GNB4: variants seen among roughly 807,000 people sequenced by gnomAD.
GNB4 encodes guanine nucleotide-binding protein subunit beta-4.
GNB4 carries 28 observed loss-of-function variants against 45.2 expected under a neutral mutation model. The ratio of observed to expected loss-of-function variants is 0.62; its 90% confidence interval spans 0.46 to 0.85. The LOEUF (loss-of-function observed/expected upper bound fraction) is 0.85, where lower values mean the gene tolerates loss of function less well. GNB4 is among the 40% of genes least tolerant of loss of function. GNB4 has a pLI of 0.00. For missense variants in GNB4, 321 were observed against 425.4 expected, an observed-to-expected ratio of 0.75 and a Z score of 2.16; for synonymous variants, 132 against 143.7, an observed-to-expected ratio of 0.92 and a Z score of 0.58.
the GNB4 span, among the ~76,000 whole-genome samples, chr3:179,524,124 C>A: frequency 6.6e-6 from 1 of 152,212 alleles, no homozygotes; most frequent in African/African-American, 2.4e-5. Flanking sequence ...TTACCCTCCA[C>A]TATAAGAGTT....
At chr3:179,436,432 G>A (rs1471957389) in intron 1 of GNB4, among the ~76,000 whole-genome samples, 1 of 152,064 alleles carries the variant, frequency 6.6e-6, no homozygotes, top group East Asian at 1.9e-4. Flanking sequence ...AAATAAAAAT[G>A]TAAGTATAAA....
At chr3:179,518,128 C>A in the GNB4 span, among the ~76,000 whole-genome samples, 5 of 152,110 alleles carry the variant, frequency 3.3e-5, no homozygotes, top group African/African-American at 4.8e-5. Context: ...CTCCCTTAGC[C>A]TGTGTTCTCA....
the GNB4 span, among the ~76,000 whole-genome samples, chr3:179,516,803 TGAG>T: frequency 6.6e-6 from 1 of 152,004 alleles, no homozygotes; most frequent in Admixed American, 6.6e-5. Context: ...GAGTGACCGA[TGAG>T]AAGGAGAAAA....
At chr3:179,430,923 T>A (rs1436171788) in intron 1 of GNB4, among the ~76,000 whole-genome samples, 3 of 152,186 alleles carry the variant, frequency 2.0e-5, no homozygotes, top group East Asian at 3.8e-4. Context: ...AAGTATTAAT[T>A]TTTTTTGCTG....
intron 3 of GNB4, 39 bp downstream of exon 3, chr3:179,420,850 T>C: frequency 4.6e-6 from 6 of 1,304,904 alleles, no homozygotes; most frequent in Non-Finnish European, 4.4e-6. Context: ...AATTATTTTA[T>C]GAGTTACCAA....
At chr3:179,439,386 T>C (rs1039417762) in intron 1 of GNB4, among the ~76,000 whole-genome samples, 9 of 152,182 alleles carry the variant, frequency 5.9e-5, no homozygotes, top group African/African-American at 2.2e-4. Flanking sequence ...CCAGACTCAC[T>C]AAGCCTAAAG....
rs1266391326 is a variant in GNB4 at position 179,398,623 on chromosome 3, CA to C, written c.*2589del. ...TTTTTCAGCCTTAAAAACTAAGATC[CA>C]AACTATTCAACATCTCTACAAATTA... On this transcript the variant is annotated 3_prime_UTR_variant, in exon 10 of 10. Transcript: ENST00000232564. 6.6e-6 allele frequency: 1 copy of C among 151,834 alleles called. No homozygotes were observed. The highest frequency in any genetic ancestry group is 1.5e-5 in the Non-Finnish European group (1 of 67,984). 9.4% of individuals were successfully genotyped at this position (151,834 alleles called of 1,614,324 possible).
chr3:179,500,011 A>T, the GNB4 span, among the ~76,000 whole-genome samples: 1 of 152,068 alleles, frequency 6.6e-6, no homozygotes, highest in African/African-American at 2.4e-5. Flanking sequence ...TTGCAAAAAA[A>T]TTTTCTCCCA....
At chr3:179,476,884 C>T in the GNB4 span, among the ~76,000 whole-genome samples, 1 of 152,106 alleles carries the variant, frequency 6.6e-6, no homozygotes, top group Non-Finnish European at 1.5e-5. Flanking sequence ...TTCTAATTCT[C>T]TTTTAATTAT....
intron 1 of GNB4, among the ~76,000 whole-genome samples, chr3:179,435,879 T>C (rs142375963): frequency 6.6e-6 from 1 of 152,244 alleles, no homozygotes; most frequent in African/African-American, 2.4e-5. Context: ...AAAATACACT[T>C]GCATAATTCG....
chr3:179,418,483 A>G (rs1411285439), intron 4 of GNB4, among the ~76,000 whole-genome samples: 13 of 142,938 alleles, frequency 9.1e-5, no homozygotes, highest in African/African-American at 2.0e-4. Context: ...AAAAAAAAAA[A>G]AAAAAGAAAA....
chr3:179,487,734 C>T, the GNB4 span, among the ~76,000 whole-genome samples: 1 of 152,042 alleles, frequency 6.6e-6, no homozygotes, highest in African/African-American at 2.4e-5. Context: ...CAAGCACTGG[C>T]CTCAAGATCA....
At chr3:179,420,598 G>C (rs928228412) in intron 3 of GNB4, among the ~76,000 whole-genome samples, 4 of 151,748 alleles carry the variant, frequency 2.6e-5, no homozygotes, top group Admixed American at 6.6e-5. Context: ...GACTAGCTGG[G>C]ATTATGCCCA....
At chr3:179,465,266 G>C in the GNB4 span, 1 of 1,491,240 alleles carries the variant, frequency 6.7e-7, no homozygotes, top group Non-Finnish European at 9.3e-7. Flanking sequence ...TATCACTCCA[G>C]TTCCTGGAGG....
At chr3:179,438,640 A>T (rs775967963) in intron 1 of GNB4, among the ~76,000 whole-genome samples, 1 of 152,222 alleles carries the variant, frequency 6.6e-6, no homozygotes, top group Non-Finnish European at 1.5e-5. Context: ...GCTGCAATTT[A>T]ACTACTTCTT....
chr3:179,423,245 T>C (rs1715046396), intron 2 of GNB4, among the ~76,000 whole-genome samples: 1 of 152,112 alleles, frequency 6.6e-6, no homozygotes, highest in Non-Finnish European at 1.5e-5. Flanking sequence ...ACGGAGATGA[T>C]TAAGACACAA....
intron 6 of GNB4, among the ~76,000 whole-genome samples, chr3:179,414,099 G>A (rs1452124201): frequency 6.6e-6 from 1 of 152,178 alleles, no homozygotes; most frequent in African/African-American, 2.4e-5. Context: ...GGCCGACTGT[G>A]TTAAGCACCC....
chr3:179,498,141 T>A, the GNB4 span, among the ~76,000 whole-genome samples: 2 of 152,242 alleles, frequency 1.3e-5, no homozygotes, highest in Admixed American at 1.3e-4. Flanking sequence ...GTAAACAACC[T>A]AAGTATTGGC....
the GNB4 span, among the ~76,000 whole-genome samples, chr3:179,503,749 G>T: frequency 2.0e-5 from 3 of 152,182 alleles, no homozygotes; most frequent in Non-Finnish European, 4.4e-5. Flanking sequence ...TGGTGGGTTG[G>T]CTTATTATTC....
Sources: gnomAD v4.1 joint callset for allele counts (sites outside exome capture counted in the v4.1 genomes callset) on GRCh38, gnomAD v4.1.1 for gene constraint, MANE v1.5 for transcripts, NCBI Gene and HGNC (gene_info 2026-07-23, HGNC 2026-07-21) for gene names.